CHD8: variants seen among roughly 807,000 people sequenced by gnomAD.
CHD8 encodes the protein chromodomain helicase DNA binding protein 8, also known as ATP-dependent chromatin remodeler CHD8.
Under a neutral mutation model 279.2 loss-of-function variants are expected in CHD8, and 31 were observed. The observed-to-expected ratio is 0.11, with a 90% CI of 0.08 to 0.15. CHD8 has a LOEUF of 0.15. CHD8 is among the 10% of genes least tolerant of loss of function. CHD8 has a pLI of 1.00. For synonymous variants in CHD8, 1,081 were observed against 1,139.6 expected (o/e 0.95, Z 1.04); for missense variants, 2,146 against 3,230.5 (o/e 0.66, Z 8.14).
At position 21,405,124 on chromosome 14, in the gene CHD8, T is replaced by C; in HGVS notation, c.3307+85A>G. 7.2e-7 allele frequency: 1 copy of C among 1,381,144 alleles called. No homozygotes were observed. The highest frequency in any genetic ancestry group is 1.0e-6 in the Non-Finnish European group (1 of 996,080). 85.6% of individuals were successfully genotyped at this position (1,381,144 alleles called of 1,614,324 possible). A position where few individuals can be genotyped will look rare whatever the true frequency, so the allele number is the denominator to read the frequency against. On this transcript the variant is annotated intron_variant, in intron 16 of 37. Coordinates refer to ENST00000646647, the MANE Select transcript of CHD8 (RefSeq NM_001170629.2). This position sits in a 1 kb window ranked among gnomAD's most constrained non-coding sequence, Gnocchi z 4.2. Reference sequence around the variant, plus strand: ...CCCCAAATTAGGTTGGTTGAGTCAATGCATCCATTGTCCCCAAGGAGAATC... The same window carrying C: ...CCCCAAATTAGGTTGGTTGAGTCAACGCATCCATTGTCCCCAAGGAGAATC...
intron 28 of CHD8, 88 bp downstream of exon 28, chr14:21,395,729 C>T: frequency 1.2e-6 from 1 of 800,142 alleles, no homozygotes; most frequent in Middle Eastern, 2.4e-4. Flanking sequence ...TATAAATTAA[C>T]CAATATATTT....
rs533252331 is a variant in CHD8, at chr14:21,424,082, G to A, written c.1716+2046C>T. 5.3e-5 allele frequency among the ~76,000 whole-genome samples: 8 copies of A among 152,034 alleles called. 1 individual carries two copies. Among genetic ancestry groups the A allele is most frequent in the South Asian group, 2.1e-4 (1 of 4,810 alleles). The stretch of plus-strand genomic sequence containing the variant: ...TTCATGACTTCTGAATTTTAATACC[G>A]TCTTTACAAAGATTACTCCACCGGA... On this transcript the variant is annotated intron_variant, in intron 5 of 37. Transcript: ENST00000646647.
At position 21,454,207 on chromosome 14, in the gene CHD8, G is replaced by GAAAAGA. The variant is rs1555321169; in HGVS notation, c.-216+1819_-216+1824dup. ...GAAAAGAAAAGAAAAGAAAAGAAAA[G>GAAAAGA]AAAAGAAAAGAAAACTGACAAAACC... is the stretch of plus-strand genomic sequence containing the variant. On this transcript the variant is annotated intron_variant, in intron 1 of 37. Coordinates refer to ENST00000646647, the MANE Select transcript of CHD8 (RefSeq NM_001170629.2). 4.2e-5 allele frequency among the ~76,000 whole-genome samples: 6 copies of GAAAAGA among 144,418 alleles called. No individual in the cohort carries two copies. In the South Asian group the frequency reaches 1.3e-3, roughly 30 times the overall value. The allele number at this position is 144,418 out of a possible 152,430, so 94.7% of individuals were successfully genotyped here.
At chr14:21,420,958 C>T (rs1013504716) in intron 5 of CHD8, among the ~76,000 whole-genome samples, 1 of 152,130 alleles carries the variant, frequency 6.6e-6, no homozygotes, top group Admixed American at 6.6e-5. Flanking sequence ...GATAGGGTTT[C>T]TCCACGTTGG....
chr14:21,386,693 T>C lies in CHD8; in HGVS notation c.7183-517A>G, dbSNP rs182294100. ...TCTACTAAAAATGCAAAAAATTAGC[T>C]GGGCAAGGTGGCGGGCGCCTGTAGT... On this transcript the variant is annotated intron_variant, in intron 37 of 37. Transcript: ENST00000646647. Among the ~76,000 whole-genome samples, 215 of 152,110 alleles carry C rather than the reference T, an allele frequency of 1.4e-3. 1 individual carries two copies. The highest frequency in any genetic ancestry group is 4.4e-3 in the African/African-American group (181 of 41,488).
chr14:21,404,290 T>C (rs533970499), intron 16 of CHD8, among the ~76,000 whole-genome samples: 145 of 151,098 alleles, frequency 9.6e-4, no homozygotes, highest in African/African-American at 3.3e-3. Context: ...TCCCAGCTAC[T>C]TGGGAGGCTG....
At position 21,402,542 on chromosome 14, in the gene CHD8, T is replaced by C. The variant is rs1394177098; in HGVS notation, c.3715-39A>G. ...AAAACGAAAGGAAAGGAGAAAGATA[T>C]CATAAAATTAGCAAGGGAAAGGATA... On this transcript the variant is annotated intron_variant, in intron 18 of 37. Coordinates refer to ENST00000646647, the MANE Select transcript of CHD8 (RefSeq NM_001170629.2). This position sits in a 1 kb window ranked among gnomAD's most constrained non-coding sequence, Gnocchi z 4.5. 9.1e-6 allele frequency: 14 copies of C among 1,535,492 alleles called. No homozygotes were observed. The highest frequency in any genetic ancestry group is 4.5e-5 in the East Asian group (2 of 44,034).
Position 21,395,912 on chromosome 14 carries a change from C to T in CHD8, c.5052-20G>A. 1 of 1,542,738 alleles carries T rather than the reference C, an allele frequency of 6.5e-7. No homozygotes were observed. The highest frequency in any genetic ancestry group is 9.0e-7 in the Non-Finnish European group (1 of 1,116,624). Reference sequence around the variant, plus strand: ...TCAACCCTAAAATTATGGAGAGGCACAAGAAAATGTTAATAATGTATCTTC... The same window carrying T: ...TCAACCCTAAAATTATGGAGAGGCATAAGAAAATGTTAATAATGTATCTTC... On this transcript the variant is annotated intron_variant, in intron 27 of 37. Transcript: ENST00000646647.
intron 7 of CHD8, 28 bp downstream of exon 7, chr14:21,415,546 A>AAATAAAT (rs1453240324): frequency 5.2e-6 from 5 of 968,484 alleles, no homozygotes; most frequent in African/African-American, 4.0e-5. Flanking sequence ...AATAAATAAA[A>AAATAAAT]ATAATAATAA....
At chr14:21,420,223 C>T (rs935558098) in intron 5 of CHD8, among the ~76,000 whole-genome samples, 22 of 152,224 alleles carry the variant, frequency 1.4e-4, no homozygotes, top group African/African-American at 5.3e-4. Flanking sequence ...GCACACCCTT[C>T]AGCAGAGTGC....
rs545719892 is a variant in CHD8, at chr14:21,450,137, G to GA, written c.-216+5894dup. 4.2e-4 allele frequency among the ~76,000 whole-genome samples: 63 copies of GA among 151,568 alleles called. No homozygotes were observed. In the South Asian group the frequency reaches 0.013, roughly 30 times the overall value. ...AATTTGTGCAGCAGCAATAGAAAAT[G>GA]AAAAAAAAGATGAAAAAATTCAGAA... On this transcript the variant is annotated intron_variant, in intron 1 of 37. Transcript: ENST00000646647.
intron 1 of CHD8, among the ~76,000 whole-genome samples, chr14:21,446,804 A>G (rs1384565801): frequency 2.6e-5 from 4 of 152,212 alleles, no homozygotes; most frequent in African/African-American, 9.6e-5. Flanking sequence ...TCTAGGTTAC[A>G]TGCCCCATTA....
At chr14:21,401,631 C>T in intron 20 of CHD8, 118 bp from the exon 21 acceptor site, 1 of 671,162 alleles carries the variant, frequency 1.5e-6, no homozygotes, top group Non-Finnish European at 2.4e-6. Context: ...GTTGCCCAGG[C>T]TGGGGTACAG....
intron 5 of CHD8, among the ~76,000 whole-genome samples, chr14:21,421,600 T>C (rs1354933410): frequency 6.6e-6 from 1 of 152,202 alleles, no homozygotes; most frequent in Non-Finnish European, 1.5e-5. Flanking sequence ...TTTCTATATA[T>C]TGAAACACCG....
At chr14:21,392,145 C>T (rs965305781) in intron 34 of CHD8, 199 bp from the exon 35 acceptor site, 1 of 761,072 alleles carries the variant, frequency 1.3e-6, no homozygotes, top group African/African-American at 1.7e-5. Flanking sequence ...ACTTCTTCAC[C>T]TAGTGCCCCT....
chr14:21,413,044 A>G (rs757358096), intron 9 of CHD8, 48 bp from the exon 10 acceptor site: 4 of 1,141,026 alleles, frequency 3.5e-6, no homozygotes, highest in Non-Finnish European at 5.3e-6. Context: ...ATCACTGTCC[A>G]GTAAACCCAC....
intron 7 of CHD8, 45 bp downstream of exon 7, chr14:21,415,522 TAAATAAA>T: frequency 1.0e-6 from 1 of 959,094 alleles, no homozygotes; most frequent in African/African-American, 1.7e-5. Context: ...AATAAATAAA[TAAATAAA>T]TAAATAAATA....
chr14:21,413,082 C>A (rs1467814672), intron 9 of CHD8, 86 bp from the exon 10 acceptor site: 1 of 790,336 alleles, frequency 1.3e-6, no homozygotes, highest in African/African-American at 1.7e-5. Context: ...AGCAGAGAAT[C>A]CTACTTCAAA....
chr14:21,394,472 C>A lies in CHD8; in HGVS notation c.5404G>T (p.Glu1802Ter), dbSNP rs1555313521. The A allele has an allele frequency of 6.3e-7, 1 of 1,598,020 alleles. No individual in the cohort carries two copies. The change falls in exon 31 of 38, where the codon GAA (glutamate) becomes TAA (stop). Residue 1802 changes from glutamate (E) to a stop codon, truncating the protein, a stop_gained. Coordinates refer to ENST00000646647, the MANE Select transcript of CHD8 (RefSeq NM_001170629.2). LOFTEE classifies it high-confidence loss of function. ...ACCACTCGATAAAAATCAGTTTGTT[C>A]ACGCCTTGTCCATCTACAAAAGGAA... is the stretch of plus-strand genomic sequence containing the variant. Reference protein sequence around the residue: ...REKQQRWTRREQTDFYRVVST... With the variant: ...REKQQRWTRR
Sources: allele counts gnomAD v4.1 joint callset (sites outside exome capture counted in the v4.1 genomes callset), GRCh38; gene constraint gnomAD v4.1.1; non-coding constraint Gnocchi (gnomAD v3.1); transcripts MANE v1.5; gene names NCBI Gene and HGNC (gene_info 2026-07-23, HGNC 2026-07-21).